Variants in FBXO42 observed in about 807,000 individuals in gnomAD.
FBXO42 encodes F-box only protein 42.
FBXO42 carries 12 observed loss-of-function variants against 71.7 expected under a neutral mutation model. The ratio of observed to expected loss-of-function variants is 0.17; its 90% CI spans 0.11 to 0.27. The LOEUF (loss-of-function observed/expected upper bound fraction) is 0.27, where lower values mean the gene tolerates loss of function less well. FBXO42 is among the 10% of genes least tolerant of loss of function. The probability of loss-of-function intolerance (pLI) is 1.00; values close to 1 mark genes in which losing one functional copy is unlikely to be tolerated. For missense variants in FBXO42, 707 were observed against 911.9 expected (o/e 0.78, Z 2.89); for synonymous variants, 325 against 327.5 (o/e 0.99, Z 0.08).
chr1:16,344,750 C>G (rs1000919711), intron 1 of FBXO42, among the ~76,000 whole-genome samples: 4 of 152,052 alleles, frequency 2.6e-5, no homozygotes, highest in Admixed American at 1.3e-4. Flanking sequence ...AAGAAAAAAT[C>G]CCATAAATGT....
intron 2 of FBXO42, among the ~76,000 whole-genome samples, chr1:16,313,565 T>C (rs1012367814): frequency 6.6e-6 from 1 of 152,202 alleles, no homozygotes; most frequent in Non-Finnish European, 1.5e-5. Context: ...GCAGGCTGTG[T>C]GTGCCAGTAT....
intron 4 of FBXO42, among the ~76,000 whole-genome samples, chr1:16,282,995 A>G (rs2100505143): frequency 6.6e-6 from 1 of 152,000 alleles, no homozygotes; most frequent in South Asian, 2.1e-4. Flanking sequence ...AAAAAAAAAA[A>G]ATGCTGATCC....
At chr1:16,294,653 G>A in intron 4 of FBXO42, 130 bp downstream of exon 4, 1 of 828,270 alleles carries the variant, frequency 1.2e-6, no homozygotes, top group South Asian at 1.9e-5. Context: ...CATTTACATG[G>A]CACATTAAAC....
chr1:16,322,397 G>T (rs2082415725), intron 1 of FBXO42, among the ~76,000 whole-genome samples: 1 of 152,114 alleles, frequency 6.6e-6, no homozygotes, highest in Non-Finnish European at 1.5e-5. Flanking sequence ...CCAACATGGG[G>T]AAACCCCGTC....
rs945097172 is a variant in FBXO42 at position 16,352,349 on chromosome 1, G to C, written c.-112C>G. On this transcript the variant is annotated 5_prime_UTR_variant, in exon 1 of 10. Coordinates refer to ENST00000375592, the MANE Select transcript of FBXO42 (RefSeq NM_018994.3). ...GCCAGAGCAGAGGCGCTCTGCCTCAGGCCGCGACAGCCGTGCTCGGGGCTC... is the reference window on the plus strand; with the variant it reads ...GCCAGAGCAGAGGCGCTCTGCCTCACGCCGCGACAGCCGTGCTCGGGGCTC... 1.0e-5 allele frequency: 4 copies of C among 397,898 alleles called. No homozygotes were observed. The highest frequency in any genetic ancestry group is 1.8e-5 in the Non-Finnish European group (4 of 225,634). The allele number at this position is 397,898 out of a possible 1,614,324, so 24.6% of individuals were successfully genotyped here. A position where few individuals can be genotyped will look rare whatever the true frequency, so the allele number is the denominator to read the frequency against.
chr1:16,254,508 GTCTC>G (rs757671118), intron 6 of FBXO42, among the ~76,000 whole-genome samples: 3 of 152,208 alleles, frequency 2.0e-5, no homozygotes, highest in Non-Finnish European at 2.9e-5. Context: ...CTGGATGGCA[GTCTC>G]TCTTTCATGG....
At chr1:16,322,553 G>C (rs2082416755) in intron 1 of FBXO42, among the ~76,000 whole-genome samples, 1 of 152,132 alleles carries the variant, frequency 6.6e-6, no homozygotes, top group South Asian at 2.1e-4. Flanking sequence ...TCCAGCCTGG[G>C]CAACAGAGCG....
intron 3 of FBXO42, among the ~76,000 whole-genome samples, chr1:16,301,959 C>A (rs2082199579): frequency 6.6e-6 from 1 of 152,046 alleles, no homozygotes; most frequent in African/African-American, 2.4e-5. Flanking sequence ...CAGAATTTGT[C>A]ATATCCATTT....
At chr1:16,303,921 A>G (rs1246807309) in intron 3 of FBXO42, among the ~76,000 whole-genome samples, 1 of 151,314 alleles carries the variant, frequency 6.6e-6, no homozygotes, top group Non-Finnish European at 1.5e-5. Flanking sequence ...AATTTTTTAT[A>G]TATATATTTT....
chr1:16,273,249 T>C (rs2081864198), intron 4 of FBXO42, among the ~76,000 whole-genome samples: 1 of 152,202 alleles, frequency 6.6e-6, no homozygotes, highest in South Asian at 2.1e-4. Context: ...ATCATTTTTA[T>C]GGTATTACTA....
intron 3 of FBXO42, among the ~76,000 whole-genome samples, chr1:16,299,921 G>A (rs112114056): frequency 0.019 from 2,954 of 152,264 alleles, 79 homozygotes; most frequent in African/African-American, 0.068. Flanking sequence ...GGGATTACAG[G>A]CGTGAGCCAC....
intron 4 of FBXO42, among the ~76,000 whole-genome samples, chr1:16,266,187 T>A (rs1014310904): frequency 1.6e-4 from 24 of 150,562 alleles, no homozygotes; most frequent in African/African-American, 4.5e-4. Context: ...ATAGTTTTTT[T>A]TAAAAAAAAT....
At chr1:16,281,522 T>C (rs1049973523) in intron 4 of FBXO42, among the ~76,000 whole-genome samples, 1 of 150,704 alleles carries the variant, frequency 6.6e-6, no homozygotes, top group African/African-American at 2.4e-5. Flanking sequence ...CAGGATGTAG[T>C]GCAGTGACAG....
chr1:16,331,896 C>G (rs2082504403), intron 1 of FBXO42, among the ~76,000 whole-genome samples: 1 of 151,270 alleles, frequency 6.6e-6, no homozygotes, highest in Non-Finnish European at 1.5e-5. Flanking sequence ...ACTAAAAATA[C>G]AAAATTAGCC....
chr1:16,282,041 G>C (rs2081969276), intron 4 of FBXO42, among the ~76,000 whole-genome samples: 1 of 151,844 alleles, frequency 6.6e-6, no homozygotes, highest in South Asian at 2.1e-4. Flanking sequence ...AGAGCACAGA[G>C]TGGCTATGTT....
At chr1:16,331,464 G>C (rs1382438174) in intron 1 of FBXO42, among the ~76,000 whole-genome samples, 1 of 145,366 alleles carries the variant, frequency 6.9e-6, no homozygotes, top group Non-Finnish European at 1.5e-5. Flanking sequence ...TAATTAAAAA[G>C]TAAAAACCGG....
At chr1:16,261,012 G>A (rs962935353) in intron 4 of FBXO42, among the ~76,000 whole-genome samples, 4 of 152,134 alleles carry the variant, frequency 2.6e-5, no homozygotes, top group Admixed American at 6.6e-5. Flanking sequence ...TTAAAAGAAT[G>A]AGCTTTAAAG....
At chr1:16,350,757 A>AAAAAGAAAGAAAGAAAG (rs1553156683) in intron 1 of FBXO42, among the ~76,000 whole-genome samples, 49 of 44,260 alleles carry the variant, frequency 1.1e-3, no homozygotes, top group Non-Finnish European at 1.7e-3. Flanking sequence ...AAAAAAAAAA[A>AAAAAGAAAGAAAGAAAG]AAAGAAAGAA....
intron 4 of FBXO42, among the ~76,000 whole-genome samples, chr1:16,281,158 C>T (rs1161299491): frequency 6.6e-6 from 1 of 152,112 alleles, no homozygotes; most frequent in Non-Finnish European, 1.5e-5. Context: ...GACGGGGTTT[C>T]TCCATGTTGG....
Sources: allele counts gnomAD v4.1 joint callset (sites outside exome capture counted in the v4.1 genomes callset), GRCh38; gene constraint gnomAD v4.1.1; transcripts MANE v1.5; gene names NCBI Gene and HGNC (gene_info 2026-07-23, HGNC 2026-07-21).